ZNF827: variants seen among roughly 807,000 people sequenced by gnomAD.
ZNF827 encodes the protein zinc finger protein 827.
A neutral mutation model predicts 102.4 loss-of-function variants in ZNF827; 13 were observed. That is an observed-to-expected ratio of 0.13 (90% confidence interval 0.08 to 0.20). The LOEUF is 0.20. ZNF827 is among the 10% of genes least tolerant of loss of function. The pLI is 1.00. For synonymous variants in ZNF827, 523 were observed against 536.2 expected (o/e 0.98, Z 0.34); for missense variants, 1,103 against 1,344.4 (o/e 0.82, Z 2.81).
chr4:145,860,054 C>A (rs949227428), intron 5 of ZNF827, among the ~76,000 whole-genome samples: 7 of 152,142 alleles, frequency 4.6e-5, no homozygotes, highest in African/African-American at 1.7e-4. Context: ...TTCTTCACAG[C>A]TCTTTGGAAA....
chr4:145,910,046 A>T (rs1752164534), intron 1 of ZNF827, among the ~76,000 whole-genome samples: 1 of 152,182 alleles, frequency 6.6e-6, no homozygotes, highest in African/African-American at 2.4e-5. Context: ...GGTGCAGAAG[A>T]CAACCAGATT....
At chr4:145,767,905 C>T (rs1315016529) in intron 11 of ZNF827, among the ~76,000 whole-genome samples, 1 of 152,082 alleles carries the variant, frequency 6.6e-6, no homozygotes, top group African/African-American at 2.4e-5. Context: ...CTGATCTACA[C>T]AAAAGAATGA....
chr4:145,778,163 C>T (rs1039569423), intron 9 of ZNF827, among the ~76,000 whole-genome samples: 11 of 152,026 alleles, frequency 7.2e-5, no homozygotes, highest in South Asian at 2.1e-4. Flanking sequence ...GACTGAGTTT[C>T]GCTCTTGTCA....
chr4:145,823,337 T>C, intron 8 of ZNF827, 85 bp downstream of exon 8: 1 of 1,149,192 alleles, frequency 8.7e-7, no homozygotes, highest in Non-Finnish European at 1.3e-6. Flanking sequence ...ATCCGTAAGC[T>C]GAAAGTATCT....
chr4:145,911,782 CT>C (rs1372453059), intron 1 of ZNF827, among the ~76,000 whole-genome samples: 1 of 152,142 alleles, frequency 6.6e-6, no homozygotes, highest in African/African-American at 2.4e-5. Flanking sequence ...AATCATGGTA[CT>C]TTTCAATCAG....
At chr4:145,928,216 A>T (rs535369064) in intron 1 of ZNF827, among the ~76,000 whole-genome samples, 2 of 152,332 alleles carry the variant, frequency 1.3e-5, no homozygotes, top group South Asian at 4.1e-4. Flanking sequence ...AGTTCTGGTT[A>T]GTTCAGGGGT....
chr4:145,819,308 T>C (rs1178444744), intron 8 of ZNF827, among the ~76,000 whole-genome samples: 1 of 152,192 alleles, frequency 6.6e-6, no homozygotes, highest in Non-Finnish European at 1.5e-5. Flanking sequence ...TTTTGTTTTT[T>C]GGCTTAATAC....
At chr4:145,851,472 A>G (rs1746527999) in intron 5 of ZNF827, among the ~76,000 whole-genome samples, 1 of 152,210 alleles carries the variant, frequency 6.6e-6, no homozygotes, top group Non-Finnish European at 1.5e-5. Context: ...GACATGGGTG[A>G]ACGTCAAATA....
intron 8 of ZNF827, among the ~76,000 whole-genome samples, chr4:145,782,778 A>G (rs1420799228): frequency 6.6e-6 from 1 of 152,170 alleles, no homozygotes; most frequent in East Asian, 1.9e-4. Context: ...CACCACCCGA[A>G]TGCTTGGCAA....
At chr4:145,815,631 A>G (rs1742528254) in intron 8 of ZNF827, among the ~76,000 whole-genome samples, 2 of 152,254 alleles carry the variant, frequency 1.3e-5, no homozygotes, top group African/African-American at 2.4e-5. Flanking sequence ...AAATAAACAC[A>G]AAGAAGAAAT....
At chr4:145,841,972 A>T (rs1487210634) in intron 7 of ZNF827, among the ~76,000 whole-genome samples, 2 of 152,146 alleles carry the variant, frequency 1.3e-5, no homozygotes, top group Non-Finnish European at 2.9e-5. Flanking sequence ...TCTTAAAATG[A>T]TGTCTGGGAT....
At chr4:145,843,731 C>T (rs988163) in intron 7 of ZNF827, among the ~76,000 whole-genome samples, 83,748 of 151,992 alleles carry the variant, frequency 0.55, 23,305 homozygotes, top group East Asian at 0.71. Context: ...GTAAGTGTTG[C>T]CTGATAACTA....
rs78803902 is a variant in ZNF827, at chr4:145,897,509, T to G, written c.1093+4657A>C. Reference sequence around the variant, plus strand: ...ATTCTGGACCTACTAACATTACCGGTACACATCTGTGTAGGATGACGACCT... The same window carrying G: ...ATTCTGGACCTACTAACATTACCGGGACACATCTGTGTAGGATGACGACCT... On this transcript the variant is annotated intron_variant, in intron 2 of 14. Coordinates refer to ENST00000508784, the MANE Select transcript of ZNF827 (RefSeq NM_001306215.2). Among the ~76,000 whole-genome samples the G allele has an allele frequency of 3.0e-3, 464 of 152,328 alleles. 1 individual carries two copies. Among genetic ancestry groups the G allele is most frequent in the African/African-American group, 0.01 (432 of 41,564 alleles).
chr4:145,762,960 C>A lies in ZNF827; in HGVS notation c.*17+130G>T. On this transcript the variant is annotated intron_variant, in intron 14 of 14. Transcript: ENST00000508784. The surrounding 1 kb of genome is among the most constrained non-coding windows in gnomAD (Gnocchi z 4.9). ...CCAACACAACCAAGTGCACCGTGCA[C>A]GGCCTCCTCAGCGCCAAGCTCGCCG... The A allele has an allele frequency of 1.2e-6, 1 of 840,292 alleles. No homozygotes were observed. The highest frequency in any genetic ancestry group is 1.8e-6 in the Non-Finnish European group (1 of 543,740). 52.1% of individuals were successfully genotyped at this position (840,292 alleles called of 1,614,324 possible).
chr4:145,842,351 C>T (rs1745506061), intron 7 of ZNF827, among the ~76,000 whole-genome samples: 1 of 152,166 alleles, frequency 6.6e-6, no homozygotes, highest in Non-Finnish European at 1.5e-5. Context: ...AGTCACCAAC[C>T]CATACGGGAT....
intron 1 of ZNF827, among the ~76,000 whole-genome samples, chr4:145,915,340 G>C (rs1198120218): frequency 2.0e-5 from 3 of 151,998 alleles, no homozygotes; most frequent in Non-Finnish European, 4.4e-5. Flanking sequence ...CCAGCTACTC[G>C]GGAGGCTGAG....
intron 1 of ZNF827, among the ~76,000 whole-genome samples, chr4:145,906,411 A>T (rs1226992683): frequency 2.0e-5 from 3 of 152,212 alleles, no homozygotes; most frequent in African/African-American, 7.2e-5. Flanking sequence ...CTTCATTCCC[A>T]TTCTGCCTCT....
At chr4:145,866,378 A>G (rs1461392369) in intron 5 of ZNF827, among the ~76,000 whole-genome samples, 1 of 152,200 alleles carries the variant, frequency 6.6e-6, no homozygotes, top group African/African-American at 2.4e-5. Context: ...CTGAAGCTCC[A>G]TCTCATTTAG....
At chr4:145,932,475 ATTTT>A (rs59749911) in intron 1 of ZNF827, among the ~76,000 whole-genome samples, 2 of 136,306 alleles carry the variant, frequency 1.5e-5, no homozygotes, top group Admixed American at 7.2e-5. Flanking sequence ...AACTCCTTGT[ATTTT>A]TTTTTTTTTT....
Sources: allele counts gnomAD v4.1 joint callset (sites outside exome capture counted in the v4.1 genomes callset), GRCh38; gene constraint gnomAD v4.1.1; non-coding constraint Gnocchi (gnomAD v3.1); transcripts MANE v1.5; gene names NCBI Gene and HGNC (gene_info 2026-07-23, HGNC 2026-07-21).